Variants in MSRA observed in about 807,000 individuals in gnomAD.
The protein encoded by MSRA is methionine sulfoxide reductase A, also known as mitochondrial peptide methionine sulfoxide reductase.
Under a neutral mutation model 31.3 loss-of-function variants are expected in MSRA, and 54 were observed. That is an observed-to-expected ratio of 1.73 (90% confidence interval 1.39 to 2.17). The LOEUF (loss-of-function observed/expected upper bound fraction) is 2.17. Ranked by LOEUF, MSRA falls within the 30% of genes most tolerant of loss-of-function variation. MSRA has a pLI of 0.00. For missense variants in MSRA, 507 were observed against 300.9 expected, an observed-to-expected ratio of 1.69 and a Z score of -5.07; for synonymous variants, 169 against 116.5, an observed-to-expected ratio of 1.45 and a Z score of -2.90.
chr8:10,390,354 A>C (rs112602859), intron 5 of MSRA, among the ~76,000 whole-genome samples: 1,620 of 152,280 alleles, frequency 0.011, 33 homozygotes, highest in African/African-American at 0.038. Flanking sequence ...TCCAGGACAG[A>C]TGACCAAACT....
intron 2 of MSRA, among the ~76,000 whole-genome samples, chr8:10,238,460 G>C (rs1307661415): frequency 6.6e-6 from 1 of 152,030 alleles, no homozygotes; most frequent in Non-Finnish European, 1.5e-5. Context: ...TGTTTGCTTT[G>C]TTCACTCATT....
chr8:10,335,229 C>A (rs188054075), intron 5 of MSRA, among the ~76,000 whole-genome samples: 1 of 149,028 alleles, frequency 6.7e-6, no homozygotes, highest in African/African-American at 2.5e-5. Context: ...TTTTCCTTCA[C>A]CCTTAACACC....
intron 5 of MSRA, among the ~76,000 whole-genome samples, chr8:10,377,527 G>A (rs542628006): frequency 7.9e-5 from 12 of 152,332 alleles, no homozygotes; most frequent in African/African-American, 1.4e-4. Context: ...GCATCTAGGA[G>A]GGATGAGGTA....
intron 5 of MSRA, among the ~76,000 whole-genome samples, chr8:10,366,532 G>A (rs1377491598): frequency 6.6e-6 from 1 of 152,240 alleles, no homozygotes; most frequent in Non-Finnish European, 1.5e-5. Context: ...TGATGTGAGG[G>A]TCAGCGATGG....
At chr8:10,126,098 G>A (rs1326129783) in intron 1 of MSRA, among the ~76,000 whole-genome samples, 1 of 152,160 alleles carries the variant, frequency 6.6e-6, no homozygotes. Context: ...TCTTCTTGGA[G>A]GACTATCCCC....
intron 1 of MSRA, among the ~76,000 whole-genome samples, chr8:10,199,725 A>C (rs370195843): frequency 6.6e-6 from 1 of 152,188 alleles, no homozygotes; most frequent in Admixed American, 6.5e-5. Flanking sequence ...CTCTATTTGC[A>C]TAATGCTTTA....
intron 1 of MSRA, among the ~76,000 whole-genome samples, chr8:10,160,218 G>A (rs936076553): frequency 1.3e-5 from 2 of 152,114 alleles, no homozygotes; most frequent in Non-Finnish European, 2.9e-5. Context: ...ATAGGATGGG[G>A]CCAGGCACAG....
At chr8:10,387,531 T>G (rs1806469121) in intron 5 of MSRA, among the ~76,000 whole-genome samples, 2 of 152,166 alleles carry the variant, frequency 1.3e-5, no homozygotes, top group South Asian at 4.1e-4. Context: ...GGTAAATGAT[T>G]CTTAGGAGAA....
intron 1 of MSRA, among the ~76,000 whole-genome samples, chr8:10,089,844 C>T (rs998418462): frequency 3.9e-5 from 6 of 152,194 alleles, no homozygotes; most frequent in African/African-American, 1.4e-4. Context: ...CCTTTAGAAA[C>T]AGTCCCGTTT....
intron 1 of MSRA, among the ~76,000 whole-genome samples, chr8:10,136,631 AG>A (rs1464043484): frequency 6.6e-6 from 1 of 152,206 alleles, no homozygotes; most frequent in Non-Finnish European, 1.5e-5. Context: ...TGGGAACGAG[AG>A]CCTTTACGTC....
chr8:10,069,195 G>C (rs1021039675), intron 1 of MSRA, among the ~76,000 whole-genome samples: 2 of 152,182 alleles, frequency 1.3e-5, no homozygotes, highest in East Asian at 1.9e-4. Context: ...AGACAGTCAT[G>C]TCATCTGTGA....
chr8:10,254,116 C>G (rs1454842928), intron 3 of MSRA, among the ~76,000 whole-genome samples: 2 of 151,928 alleles, frequency 1.3e-5, no homozygotes, highest in East Asian at 1.9e-4. Context: ...TTAATAAATC[C>G]TGGCCTCTGA....
intron 5 of MSRA, among the ~76,000 whole-genome samples, chr8:10,321,037 C>T (rs1027793387): frequency 5.3e-5 from 8 of 152,128 alleles, no homozygotes; most frequent in African/African-American, 1.9e-4. Flanking sequence ...ATAACACTTT[C>T]TCATAACAGT....
intron 2 of MSRA, among the ~76,000 whole-genome samples, chr8:10,238,649 T>TA (rs1259076138): frequency 6.6e-6 from 1 of 152,204 alleles, no homozygotes; most frequent in Non-Finnish European, 1.5e-5. Flanking sequence ...ACATTGGAGA[T>TA]AAGTGGGAGA....
At chr8:10,131,275 G>A (rs1249139868) in intron 1 of MSRA, among the ~76,000 whole-genome samples, 16 of 152,134 alleles carry the variant, frequency 1.1e-4, no homozygotes. Context: ...TGCAAATAAA[G>A]CCTAAATTAA....
At chr8:10,364,332 G>C (rs1039861720) in intron 5 of MSRA, among the ~76,000 whole-genome samples, 1 of 152,166 alleles carries the variant, frequency 6.6e-6, no homozygotes, top group African/African-American at 2.4e-5. Flanking sequence ...GGCTCCTGGG[G>C]CGTCAAAGGT....
At chr8:10,093,247 T>G (rs1480407732) in intron 1 of MSRA, among the ~76,000 whole-genome samples, 1 of 152,202 alleles carries the variant, frequency 6.6e-6, no homozygotes, top group Non-Finnish European at 1.5e-5. Flanking sequence ...TACGTATCTT[T>G]GTCTTTTTTG....
intron 1 of MSRA, among the ~76,000 whole-genome samples, chr8:10,074,771 G>T (rs1797921470): frequency 6.6e-6 from 1 of 152,030 alleles, no homozygotes; most frequent in Non-Finnish European, 1.5e-5. Context: ...TGATTCTTCT[G>T]CCTCAGCCTC....
At chr8:10,381,614 C>G (rs1311426796) in intron 5 of MSRA, among the ~76,000 whole-genome samples, 1 of 152,202 alleles carries the variant, frequency 6.6e-6, no homozygotes, top group Non-Finnish European at 1.5e-5. Flanking sequence ...TGCCCTCAAA[C>G]CTTGTGGGTG....
Sources: gnomAD v4.1 joint callset for allele counts (sites outside exome capture counted in the v4.1 genomes callset) on GRCh38, gnomAD v4.1.1 for gene constraint, MANE v1.5 for transcripts, NCBI Gene and HGNC (gene_info 2026-07-23, HGNC 2026-07-21) for gene names.